Variants in SYT1 observed in about 807,000 individuals in gnomAD.
The protein encoded by SYT1 is synaptotagmin-1.
A neutral mutation model predicts 44.8 loss-of-function variants in SYT1; 8 were observed. The observed-to-expected ratio is 0.18, with a 90% CI of 0.10 to 0.32. SYT1 has a LOEUF of 0.32. Among genes scored for constraint, SYT1 ranks in the 10% least tolerant of loss-of-function variants. SYT1 has a pLI of 1.00. For synonymous variants in SYT1, 154 were observed against 188.8 expected, an observed-to-expected ratio of 0.82 and a Z score of 1.51; for missense variants, 286 against 509.3, an observed-to-expected ratio of 0.56 and a Z score of 4.22.
chr12:79,332,071 T>A (rs1380021420), intron 8 of SYT1, among the ~76,000 whole-genome samples: 2 of 152,178 alleles, frequency 1.3e-5, no homozygotes, highest in Non-Finnish European at 2.9e-5. Context: ...CCTCTATTAG[T>A]CATTTCTCAC....
chr12:79,355,966 A>G (rs1212135096), intron 9 of SYT1, among the ~76,000 whole-genome samples: 1 of 152,048 alleles, frequency 6.6e-6, no homozygotes. Flanking sequence ...GAGTCTACCA[A>G]GAGATAACAG....
In SYT1 at chr12:79,257,669, A is replaced by G. The variant is rs180745281; in HGVS notation, c.167-28118A>G. Among the ~76,000 whole-genome samples, 1,179 of 152,234 alleles carry G rather than the reference A, an allele frequency of 7.7e-3. 9 individuals carry two copies. The highest frequency in any genetic ancestry group is 0.013 in the Non-Finnish European group (888 of 67,982). On this transcript the variant is annotated intron_variant, in intron 4 of 10. Coordinates refer to ENST00000261205, the MANE Select transcript of SYT1 (RefSeq NM_005639.3). The stretch of plus-strand genomic sequence containing the variant: ...CCCCCGGCTGATTTTTTGTATTTTT[A>G]GTAGAGACAGGGTTTCACCATGTTA...
intron 3 of SYT1, among the ~76,000 whole-genome samples, chr12:79,078,944 A>G (rs1876848223): frequency 6.6e-6 from 1 of 152,122 alleles, no homozygotes; most frequent in African/African-American, 2.4e-5. Context: ...TAAGTGATAA[A>G]TATATTCAGC....
chr12:79,228,738 A>G (rs1463428791), intron 4 of SYT1, among the ~76,000 whole-genome samples: 4 of 152,190 alleles, frequency 2.6e-5, no homozygotes, highest in African/African-American at 9.7e-5. Context: ...CATATTCTGT[A>G]CCTGCATTCA....
chr12:79,026,848 A>G (rs1045266527), intron 2 of SYT1, among the ~76,000 whole-genome samples: 16 of 150,970 alleles, frequency 1.1e-4, no homozygotes, highest in African/African-American at 3.2e-4. Flanking sequence ...CAAGACCACA[A>G]TGAGATTTCA....
At chr12:78,866,423 G>A (rs1472696695) in intron 1 of SYT1, among the ~76,000 whole-genome samples, 1 of 152,050 alleles carries the variant, frequency 6.6e-6, no homozygotes, top group Non-Finnish European at 1.5e-5. Context: ...ATCCTGAAGG[G>A]GAAAACATTT....
chr12:79,298,419 A>G (rs973671600), intron 7 of SYT1, among the ~76,000 whole-genome samples: 4 of 152,290 alleles, frequency 2.6e-5, no homozygotes, highest in Admixed American at 2.0e-4. Flanking sequence ...ATGGCCCAAT[A>G]TTCTTCCTTT....
At chr12:78,936,218 T>TATC (rs77874891) in intron 1 of SYT1, among the ~76,000 whole-genome samples, 13,824 of 152,138 alleles carry the variant, frequency 0.091, 717 homozygotes, top group East Asian at 0.18. Context: ...GAAAATATCA[T>TATC]ATATTTGGGA....
chr12:79,395,933 A>C (rs1352873374), intron 9 of SYT1, among the ~76,000 whole-genome samples: 2 of 152,228 alleles, frequency 1.3e-5, no homozygotes, highest in Non-Finnish European at 2.9e-5. Context: ...ACATCTTTAT[A>C]GTTTATAAGA....
intron 3 of SYT1, among the ~76,000 whole-genome samples, chr12:79,195,963 T>A (rs183862126): frequency 6.6e-6 from 1 of 152,364 alleles, no homozygotes; most frequent in African/African-American, 2.4e-5. Context: ...TGTTTATATT[T>A]AAAGACTACA....
At chr12:78,989,481 C>T (rs1236619473) in intron 2 of SYT1, among the ~76,000 whole-genome samples, 1 of 152,080 alleles carries the variant, frequency 6.6e-6, no homozygotes, top group East Asian at 1.9e-4. Context: ...GGCCTAGCCC[C>T]CCCGTTCCCA....
intron 1 of SYT1, among the ~76,000 whole-genome samples, chr12:78,879,090 C>T (rs561846376): frequency 2.6e-5 from 4 of 151,784 alleles, no homozygotes; most frequent in African/African-American, 9.6e-5. Context: ...CACCCATTCC[C>T]ACCCCAGGCT....
At chr12:79,099,523 A>G (rs1878327678) in intron 3 of SYT1, among the ~76,000 whole-genome samples, 1 of 152,168 alleles carries the variant, frequency 6.6e-6, no homozygotes, top group East Asian at 1.9e-4. Flanking sequence ...CAAAAATCAG[A>G]AATATTGGAG....
chr12:79,322,742 G>A (rs559007746), intron 8 of SYT1, among the ~76,000 whole-genome samples: 12 of 152,150 alleles, frequency 7.9e-5, no homozygotes, highest in South Asian at 2.1e-4. Flanking sequence ...GTGAGAGAGC[G>A]CAGTGATGAG....
chr12:78,900,563 G>A (rs1051885802), intron 1 of SYT1, among the ~76,000 whole-genome samples: 1 of 151,954 alleles, frequency 6.6e-6, no homozygotes, highest in Non-Finnish European at 1.5e-5. Context: ...ATGTTCCAAG[G>A]GAGAGAGCTG....
chr12:79,282,089 C>T (rs1291340586), intron 4 of SYT1, among the ~76,000 whole-genome samples: 2 of 152,160 alleles, frequency 1.3e-5, no homozygotes, highest in Non-Finnish European at 2.9e-5. Flanking sequence ...TTCTGCCTGC[C>T]TCTTTCACTT....
chr12:79,282,297 A>T (rs1170049536), intron 4 of SYT1, among the ~76,000 whole-genome samples: 2 of 152,230 alleles, frequency 1.3e-5, no homozygotes, highest in South Asian at 2.1e-4. Flanking sequence ...TAATTAAAAC[A>T]TCAGAAGCAG....
chr12:78,947,741 T>A (rs1027749323), intron 1 of SYT1, among the ~76,000 whole-genome samples: 5 of 151,886 alleles, frequency 3.3e-5, no homozygotes, highest in African/African-American at 1.2e-4. Flanking sequence ...TATATAACTA[T>A]TTAGGTTATT....
chr12:79,103,935 C>G (rs1004042824), intron 3 of SYT1, among the ~76,000 whole-genome samples: 1 of 152,062 alleles, frequency 6.6e-6, no homozygotes, highest in Admixed American at 6.5e-5. Flanking sequence ...AGATATTCCA[C>G]ATGCATACTG....
Sources: allele counts gnomAD v4.1 joint callset (sites outside exome capture counted in the v4.1 genomes callset), GRCh38; gene constraint gnomAD v4.1.1; transcripts MANE v1.5; gene names NCBI Gene and HGNC (gene_info 2026-07-23, HGNC 2026-07-21).